INO80: variants seen among roughly 807,000 people sequenced by gnomAD.
The protein encoded by INO80 is INO80 complex ATPase subunit, also known as chromatin-remodeling ATPase INO80.
Under a neutral mutation model 203.4 loss-of-function variants are expected in INO80, and 20 were observed. The observed-to-expected ratio is 0.10, with a 90% CI of 0.07 to 0.14. INO80 has a LOEUF of 0.14. Among genes scored for constraint, INO80 ranks in the 10% least tolerant of loss-of-function variants. INO80 has a pLI of 1.00. For missense variants in INO80, 1,419 were observed against 1,914.4 expected, an observed-to-expected ratio of 0.74 and a Z score of 4.83; for synonymous variants, 726 against 685.2, an observed-to-expected ratio of 1.06 and a Z score of -0.93.
chr15:41,003,615 C>G (rs2043997011), intron 28 of INO80, among the ~76,000 whole-genome samples: 1 of 152,052 alleles, frequency 6.6e-6, no homozygotes, highest in South Asian at 2.1e-4. Context: ...CAGGCGTGAG[C>G]CACTGTGCCT....
At chr15:41,071,662 T>G (rs1429523710) in intron 12 of INO80, among the ~76,000 whole-genome samples, 187 bp downstream of exon 12, 1 of 143,418 alleles carries the variant, frequency 7.0e-6, no homozygotes, top group African/African-American at 3.0e-5. Context: ...GGTTTCACCA[T>G]GTTGGTCAGG....
At chr15:41,099,990 C>G (rs949093960) in intron 1 of INO80, among the ~76,000 whole-genome samples, 1 of 152,132 alleles carries the variant, frequency 6.6e-6, no homozygotes, top group Middle Eastern at 3.2e-3. Flanking sequence ...AATCCATGCT[C>G]TAGTTATTTT....
chr15:41,021,414 C>T (rs1241236232), intron 25 of INO80, among the ~76,000 whole-genome samples: 1 of 152,190 alleles, frequency 6.6e-6, no homozygotes, highest in South Asian at 2.1e-4. Flanking sequence ...CTATTATATG[C>T]ATATATATCT....
intron 29 of INO80, 112 bp from the exon 30 acceptor site, chr15:40,988,086 T>A: frequency 1.2e-6 from 1 of 826,960 alleles, no homozygotes; most frequent in Non-Finnish European, 1.9e-6. Flanking sequence ...GTCTGATTCG[T>A]TTCTATGATA....
chr15:41,022,479 C>T (rs186025197), intron 25 of INO80, among the ~76,000 whole-genome samples: 2 of 152,208 alleles, frequency 1.3e-5, no homozygotes, highest in Non-Finnish European at 1.5e-5. Context: ...GGCCAATAGA[C>T]CTATGTTTTT....
At chr15:41,034,233 T>C (rs762128576) in intron 24 of INO80, among the ~76,000 whole-genome samples, 8 of 152,226 alleles carry the variant, frequency 5.3e-5, no homozygotes, top group Non-Finnish European at 1.0e-4. Flanking sequence ...ATATTTTATC[T>C]TCACCATAGG....
At chr15:41,074,637 C>T in intron 9 of INO80, 72 bp from the exon 10 acceptor site, 6 of 978,406 alleles carry the variant, frequency 6.1e-6, no homozygotes, top group Non-Finnish European at 9.1e-6. Context: ...GAATTCACCA[C>T]TTATATTTGC....
intron 34 of INO80, 60 bp downstream of exon 34, chr15:40,983,702 C>G: frequency 6.6e-7 from 1 of 1,504,702 alleles, no homozygotes; most frequent in South Asian, 1.2e-5. Context: ...ACCTTACCCA[C>G]AACCAAACCA....
At chr15:41,010,680 T>C (rs1596256588) in intron 27 of INO80, among the ~76,000 whole-genome samples, 1 of 152,180 alleles carries the variant, frequency 6.6e-6, no homozygotes, top group East Asian at 1.9e-4. Context: ...CATAACCTGA[T>C]CTATCATCAT....
intron 17 of INO80, among the ~76,000 whole-genome samples, chr15:41,055,826 T>C (rs1276592308): frequency 6.6e-6 from 1 of 152,220 alleles, no homozygotes; most frequent in Non-Finnish European, 1.5e-5. Flanking sequence ...CACTTATGTA[T>C]TGCCTATGGC....
chr15:41,005,822 C>T (rs1278633694), intron 27 of INO80, 135 bp from the exon 28 acceptor site: 3 of 505,660 alleles, frequency 5.9e-6, no homozygotes, highest in Non-Finnish European at 1.1e-5. Context: ...AGAGAGTAAC[C>T]CCAAGAGTAC....
At chr15:41,045,937 AC>A (rs1879966762) in intron 23 of INO80, among the ~76,000 whole-genome samples, 1 of 151,680 alleles carries the variant, frequency 6.6e-6, no homozygotes, top group Non-Finnish European at 1.5e-5. Context: ...TAAGGAGATA[AC>A]CATTTCTGAT....
At chr15:41,088,087 C>CTTTTTTTTTT (rs943111352) in intron 5 of INO80, among the ~76,000 whole-genome samples, 6 of 101,076 alleles carry the variant, frequency 5.9e-5, no homozygotes, top group East Asian at 2.7e-4. Flanking sequence ...GCTTGCTTTT[C>CTTTTTTTTTT]TTTTTTTTTT....
chr15:41,059,201 A>C lies in INO80; in HGVS notation c.1843-420T>G, dbSNP rs2045056900. Among the ~76,000 whole-genome samples, 10 of 151,290 alleles carry C rather than the reference A, an allele frequency of 6.6e-5. No homozygotes were observed. The South Asian group carries it at 2.1e-3, about 32-fold the overall frequency. On this transcript the variant is annotated intron_variant, in intron 15 of 35. Coordinates refer to ENST00000648947, the MANE Select transcript of INO80 (RefSeq NM_017553.3). Reference sequence around the variant, plus strand: ...GGTCTCGAACTCCTGGACTCAAGTGATCCTCCTGCCTCGGCCTCCCAAAAT... The same window carrying C: ...GGTCTCGAACTCCTGGACTCAAGTGCTCCTCCTGCCTCGGCCTCCCAAAAT...
intron 4 of INO80, among the ~76,000 whole-genome samples, chr15:41,092,494 A>G (rs1282675725): frequency 2.0e-5 from 3 of 152,216 alleles, no homozygotes; most frequent in African/African-American, 7.2e-5. Flanking sequence ...CATACATGCC[A>G]AACAGGAAGG....
chr15:41,044,642 CATAT>C (rs1225450168), intron 24 of INO80, among the ~76,000 whole-genome samples: 1 of 151,752 alleles, frequency 6.6e-6, no homozygotes, highest in African/African-American at 2.4e-5. Context: ...AGTGTATACA[CATAT>C]ATAAATTCAC....
At chr15:41,100,184 C>T (rs1566949381) in intron 1 of INO80, among the ~76,000 whole-genome samples, 2 of 152,102 alleles carry the variant, frequency 1.3e-5, no homozygotes, top group Admixed American at 6.6e-5. Context: ...ACGCCATTCT[C>T]CTGCCTCAGC....
At chr15:41,112,133 C>T (rs2045967266) in intron 1 of INO80, among the ~76,000 whole-genome samples, 1 of 152,150 alleles carries the variant, frequency 6.6e-6, no homozygotes, top group African/African-American at 2.4e-5. Flanking sequence ...GCTCCTCAAG[C>T]TCACGTGATC....
chr15:41,051,621 G>C (rs549339541), intron 19 of INO80, among the ~76,000 whole-genome samples: 2 of 151,678 alleles, frequency 1.3e-5, no homozygotes, highest in East Asian at 3.9e-4. Flanking sequence ...AGACCAGCTT[G>C]GGCAACACAG....
Sources: allele counts gnomAD v4.1 joint callset (sites outside exome capture counted in the v4.1 genomes callset), GRCh38; gene constraint gnomAD v4.1.1; transcripts MANE v1.5; gene names NCBI Gene and HGNC (gene_info 2026-07-23, HGNC 2026-07-21).